Variants in DNAH17 observed in about 807,000 individuals in gnomAD.
The protein encoded by DNAH17 is dynein axonemal heavy chain 17, also known as axonemal beta dynein heavy chain 17.
In DNAH17, 376 loss-of-function variants were observed where a neutral mutation model predicts 485.6. The ratio of observed to expected loss-of-function variants is 0.77; its 90% confidence interval spans 0.71 to 0.84. The LOEUF is 0.84. Ranked by LOEUF, DNAH17 falls within the 40% of genes least tolerant of loss-of-function variation. The pLI, the probability that DNAH17 is intolerant of heterozygous loss-of-function variation, is 0.00. For synonymous variants in DNAH17, 3,031 were observed against 2,405.9 expected (o/e 1.26, Z -7.60); for missense variants, 6,370 against 5,839.3 (o/e 1.09, Z -2.96).
At position 78,571,754 on chromosome 17, in the gene DNAH17, G is replaced by A; in HGVS notation, c.568C>T (p.Leu190=). 1.2e-6 allele frequency: 2 copies of A among 1,603,472 alleles called. No individual in the cohort carries two copies. Among genetic ancestry groups the A allele is most frequent in the Non-Finnish European group, 1.7e-6 (2 of 1,174,318 alleles). The change falls in exon 4 of 81, where the codon CTG becomes TTG. Residue 190 remains leucine (L), a synonymous_variant. Transcript: ENST00000389840. ...RIPSSLDNLL[L]HAIETTIIDW... ...ATGATGGTGGTTTCAATGGCGTGCA[G>A]GAGCAAGTTGTCCAGTGAAGAGGGG...
chr17:78,575,028 C>T lies in DNAH17; in HGVS notation c.30G>A (p.Glu10=). ...CGATGGAGGCAACTTCCTCCAGATA[C>T]TCTAGTCTGACGTCCGGGGCCATTG... MTMAPDVRL[E]YLEEVASIVL... Residue 10 remains glutamate, a synonymous_variant, in exon 2 of 81, where the codon GAG becomes GAA. Coordinates refer to ENST00000389840, the MANE Select transcript of DNAH17 (RefSeq NM_173628.4). 6.2e-7 allele frequency: 1 copy of T among 1,613,854 alleles called. No individual in the cohort carries two copies. Among genetic ancestry groups the T allele is most frequent in the Non-Finnish European group, 8.5e-7 (1 of 1,179,822 alleles).
chr17:78,428,851 G>A (rs1411247424), intron 76 of DNAH17, 144 bp from the exon 77 acceptor site: 1 of 1,062,944 alleles, frequency 9.4e-7, no homozygotes, highest in Non-Finnish European at 1.4e-6. Context: ...CCCCTTTGTG[G>A]GCTGCCCCCT....
rs1172826764 is a variant in DNAH17, at chr17:78,551,538, C to G, written c.2388G>C (p.Met796Ile). Residue 796 changes from methionine (M) to isoleucine (I), a missense_variant, in exon 16 of 81, where the codon ATG becomes ATC. Coordinates refer to ENST00000389840, the MANE Select transcript of DNAH17 (RefSeq NM_173628.4). The part of the protein sequence containing the change: ...KQNIEGISQA[M>I]KDWSANPLFE... ...CTGTGCTCTGCCCCTTGCTTACCTT[C>G]ATAGCCTGGGAAATTCCTTCTATAT... 6.2e-7 allele frequency: 1 copy of G among 1,614,010 alleles called. No homozygotes were observed. Among genetic ancestry groups the G allele is most frequent in the Non-Finnish European group, 8.5e-7 (1 of 1,179,824 alleles).
chr17:78,519,167 C>CAA (rs71161610), intron 25 of DNAH17, among the ~76,000 whole-genome samples: 10 of 75,598 alleles, frequency 1.3e-4, no homozygotes, highest in Non-Finnish European at 2.1e-4. Context: ...GACTCCGTCT[C>CAA]AAAAAAAAAA....
chr17:78,426,408 C>A, intron 79 of DNAH17, 49 bp downstream of exon 79: 2 of 1,524,220 alleles, frequency 1.3e-6, no homozygotes, highest in Non-Finnish European at 8.8e-7. Context: ...GAGCTCTGGG[C>A]ACTCGGTCCC....
intron 71 of DNAH17, among the ~76,000 whole-genome samples, chr17:78,441,561 A>T (rs11869653): frequency 3.3e-5 from 5 of 152,154 alleles, no homozygotes; most frequent in East Asian, 1.9e-4. Flanking sequence ...AGCCTAAAAA[A>T]GTCAAAGAAA....
intron 54 of DNAH17, among the ~76,000 whole-genome samples, chr17:78,470,105 A>C (rs1444292980): frequency 8.7e-6 from 1 of 114,624 alleles, no homozygotes; most frequent in Admixed American, 1.3e-4. Flanking sequence ...ACAGTCTCTC[A>C]CTCTGTTGCC....
Position 78,453,436 on chromosome 17 carries a change from G to A in DNAH17, c.10436C>T (p.Ser3479Leu), listed in dbSNP as rs572431013. 73 of 1,613,950 alleles carry A rather than the reference G, an allele frequency of 4.5e-5. No homozygotes were observed. The highest frequency in any genetic ancestry group is 2.5e-5 in the Non-Finnish European group (30 of 1,179,838). The change falls in exon 65 of 81, where the codon TCG becomes TTG. Residue 3479 changes from serine (S) to leucine (L), a missense_variant. Coordinates refer to ENST00000389840, the MANE Select transcript of DNAH17 (RefSeq NM_173628.4). Reference protein sequence around the residue: ...SYLDVIEQAISEGDTLLIENI... With the variant: ...SYLDVIEQAILEGDTLLIENI... ...CTCAATGAGCAAGGTGTCCCCTTCC[G>A]AGATGGCCTGCTCGATGACATCCAG...
rs1335846328 is a variant in DNAH17 at position 78,507,788 on chromosome 17, G to A, written c.4254C>T (p.Asp1418=). The A allele has an allele frequency of 1.3e-6, 2 of 1,574,524 alleles. No individual in the cohort carries two copies. The highest frequency in any genetic ancestry group is 1.3e-5 in the African/African-American group (1 of 74,408). Residue 1418 remains aspartate, a synonymous_variant, in exon 28 of 81, where the codon GAC becomes GAT. Transcript: ENST00000389840. ...SGMEKVLKAL[D]STWSMMEFQH... The stretch of plus-strand genomic sequence containing the variant: ...GGAATTCCATCATGCTCCAGGTACT[G>A]TCCAGGGCTTTCAGCACCTTTTGGG...
intron 13 of DNAH17, 76 bp downstream of exon 13, chr17:78,560,664 G>T (rs138978028): frequency 9.1e-6 from 13 of 1,427,606 alleles, no homozygotes; most frequent in Non-Finnish European, 1.2e-5. Flanking sequence ...CCATAAATCC[G>T]TGCTGAGGGA....
At chr17:78,538,469 A>G (rs919769651) in intron 18 of DNAH17, among the ~76,000 whole-genome samples, 23 of 152,302 alleles carry the variant, frequency 1.5e-4, no homozygotes, top group African/African-American at 5.3e-4. Context: ...ATGAGTCCCC[A>G]TTGGACCTGT....
chr17:78,573,454 C>T (rs956649287), intron 2 of DNAH17, among the ~76,000 whole-genome samples: 1 of 152,016 alleles, frequency 6.6e-6, no homozygotes, highest in East Asian at 1.9e-4. Context: ...TAAAAATTAG[C>T]CAGGCATGGT....
At position 78,494,702 on chromosome 17, in the gene DNAH17, A is replaced by G; in HGVS notation, c.6161T>C (p.Phe2054Ser). 1.2e-6 allele frequency: 2 copies of G among 1,613,890 alleles called. No homozygotes were observed. The highest frequency in any genetic ancestry group is 2.2e-5 in the East Asian group (1 of 44,880). The change falls in exon 40 of 81, where the codon TTC becomes TCC. Residue 2054 changes from phenylalanine (F) to serine (S), a missense_variant. Physicochemically the swap from Phe to Ser is radical, Grantham distance 155. Coordinates refer to ENST00000389840, the MANE Select transcript of DNAH17 (RefSeq NM_173628.4). ...GTCTGTCACAATCTTGGGGATGTTG[A>G]AGTCTCTCAGCGCCCGCATGAGCAC... The part of the protein sequence containing the change: ...DQVLMRALRD[F>S]NIPKIVTDDL...
chr17:78,469,813 G>A lies in DNAH17; in HGVS notation c.8512-930C>T, dbSNP rs188204705. On this transcript the variant is annotated intron_variant, in intron 54 of 80. Coordinates refer to ENST00000389840, the MANE Select transcript of DNAH17 (RefSeq NM_173628.4). ...CAGGACATGACGCTGAGTAAAATAAGCCAGACACGAAAGGACAAATACCGT... is the reference window on the plus strand; with the variant it reads ...CAGGACATGACGCTGAGTAAAATAAACCAGACACGAAAGGACAAATACCGT... Among the ~76,000 whole-genome samples, 327 of 152,308 alleles carry A rather than the reference G, an allele frequency of 2.1e-3. 2 individuals are homozygous for A. The highest frequency in any genetic ancestry group is 7.6e-3 in the African/African-American group (317 of 41,566).
At chr17:78,436,108 G>A (rs1372501972) in intron 74 of DNAH17, among the ~76,000 whole-genome samples, 3 of 152,202 alleles carry the variant, frequency 2.0e-5, no homozygotes, top group Non-Finnish European at 2.9e-5. Context: ...CCCATAAGTA[G>A]ATCTTTGTTA....
At chr17:78,451,431 G>T (rs777513105) in intron 66 of DNAH17, 38 bp downstream of exon 66, 3 of 1,568,942 alleles carry the variant, frequency 1.9e-6, no homozygotes, top group South Asian at 1.2e-5. Flanking sequence ...TGTGTGGGAC[G>T]GCACCTCCTC....
chr17:78,456,619 T>C (rs1313975167), intron 62 of DNAH17, among the ~76,000 whole-genome samples: 3 of 152,104 alleles, frequency 2.0e-5, no homozygotes, highest in African/African-American at 4.8e-5. Flanking sequence ...CGGGCCACCA[T>C]CTTGAGGACT....
chr17:78,511,249 A>G (rs8075082), intron 26 of DNAH17, among the ~76,000 whole-genome samples: 34,987 of 152,176 alleles, frequency 0.23, 4,255 homozygotes, highest in Non-Finnish European at 0.27. Context: ...CTGGGACTAC[A>G]GGCACGTACC....
At chr17:78,438,324 G>C (rs1055668134) in intron 73 of DNAH17, among the ~76,000 whole-genome samples, 1 of 145,968 alleles carries the variant, frequency 6.9e-6, no homozygotes, top group Non-Finnish European at 1.5e-5. Context: ...TCTTGGATGG[G>C]CTCCAGGGCT....
Sources: allele counts gnomAD v4.1 joint callset (sites outside exome capture counted in the v4.1 genomes callset), GRCh38; gene constraint gnomAD v4.1.1; transcripts MANE v1.5; gene names NCBI Gene and HGNC (gene_info 2026-07-23, HGNC 2026-07-21).